Variants in FAM107B observed in about 807,000 individuals in gnomAD.
FAM107B encodes the protein protein FAM107B.
A neutral mutation model predicts 31.5 loss-of-function variants in FAM107B; 21 were observed. That is an observed-to-expected ratio of 0.67 (90% CI 0.47 to 0.96). FAM107B has a LOEUF of 0.96. Ranked by LOEUF, FAM107B falls within the 40% of genes least tolerant of loss-of-function variation. The pLI is 0.00. For missense variants in FAM107B, 452 were observed against 377.1 expected, an observed-to-expected ratio of 1.20 and a Z score of -1.64; for synonymous variants, 157 against 141.5, an observed-to-expected ratio of 1.11 and a Z score of -0.78.
intron 2 of FAM107B, among the ~76,000 whole-genome samples, chr10:14,580,841 G>A (rs1447923353): frequency 6.6e-6 from 1 of 152,178 alleles, no homozygotes; most frequent in Non-Finnish European, 1.5e-5. Context: ...ATACCAAGAT[G>A]GAACGTAATG....
intron 2 of FAM107B, among the ~76,000 whole-genome samples, chr10:14,626,657 CCA>C (rs1253184895): frequency 6.6e-6 from 1 of 152,070 alleles, no homozygotes; most frequent in Non-Finnish European, 1.5e-5. Flanking sequence ...GCGCCCGCCA[CCA>C]CACCCGGCTA....
intron 2 of FAM107B, among the ~76,000 whole-genome samples, chr10:14,648,938 G>C (rs563982876): frequency 6.6e-6 from 1 of 152,248 alleles, no homozygotes; most frequent in Admixed American, 6.5e-5. Context: ...AAACACAAAC[G>C]AGGATGAGGT....
At chr10:14,762,202 T>C (rs973722145) in intron 1 of FAM107B, among the ~76,000 whole-genome samples, 5 of 152,138 alleles carry the variant, frequency 3.3e-5, no homozygotes, top group South Asian at 2.1e-4. Context: ...GACAGCACCA[T>C]TGGGCATCCC....
intron 1 of FAM107B, among the ~76,000 whole-genome samples, chr10:14,770,074 T>A (rs1833266588): frequency 6.6e-6 from 1 of 152,174 alleles, no homozygotes; most frequent in Non-Finnish European, 1.5e-5. Flanking sequence ...TGCTGAGCCA[T>A]AAGCCCTCTC....
intron 1 of FAM107B, among the ~76,000 whole-genome samples, chr10:14,739,393 G>C (rs973861451): frequency 6.6e-6 from 1 of 152,184 alleles, no homozygotes; most frequent in African/African-American, 2.4e-5. Flanking sequence ...AGTAGGGCAG[G>C]CGCTGGGGAC....
chr10:14,753,394 T>C (rs1832868183), intron 1 of FAM107B, among the ~76,000 whole-genome samples: 1 of 152,156 alleles, frequency 6.6e-6, no homozygotes, highest in Non-Finnish European at 1.5e-5. Context: ...CCGTGAAGAT[T>C]AGATTAAAAA....
chr10:14,717,189 G>C (rs370552589), intron 1 of FAM107B, among the ~76,000 whole-genome samples: 3 of 152,176 alleles, frequency 2.0e-5, no homozygotes, highest in South Asian at 4.1e-4. Flanking sequence ...TTTGGGTAAG[G>C]TAGTGAGCAC....
chr10:14,613,469 T>C (rs77839883), intron 2 of FAM107B, among the ~76,000 whole-genome samples: 5,892 of 152,314 alleles, frequency 0.039, 173 homozygotes, highest in East Asian at 0.12. Flanking sequence ...ACTCAGAACT[T>C]CCTTACTTAC....
chr10:14,572,736 A>ATTTTATATATATATATATATAT (rs1455058375), intron 2 of FAM107B, among the ~76,000 whole-genome samples: 3,458 of 85,752 alleles, frequency 0.04, 246 homozygotes, highest in East Asian at 0.064. Context: ...AAAAAAAAAA[A>ATTTTATATATATATATATATAT]ATTTATATAT....
chr10:14,569,373 G>A (rs892937700), intron 2 of FAM107B, among the ~76,000 whole-genome samples: 1 of 152,144 alleles, frequency 6.6e-6, no homozygotes, highest in Non-Finnish European at 1.5e-5. Context: ...GTTGTGTTGT[G>A]GTGAGCTGCA....
At chr10:14,737,907 A>G (rs1315611632) in intron 1 of FAM107B, among the ~76,000 whole-genome samples, 1 of 151,968 alleles carries the variant, frequency 6.6e-6, no homozygotes, top group Admixed American at 6.6e-5. Flanking sequence ...ACGATGTTAT[A>G]CAATGTGCTG....
intron 2 of FAM107B, among the ~76,000 whole-genome samples, chr10:14,593,959 T>C (rs985770435): frequency 2.0e-5 from 3 of 152,172 alleles, no homozygotes; most frequent in African/African-American, 7.2e-5. Flanking sequence ...TGTTGAAAAA[T>C]GCATGATGCC....
intron 2 of FAM107B, among the ~76,000 whole-genome samples, chr10:14,629,407 T>A (rs368814545): frequency 0.53 from 11,408 of 21,458 alleles, 1,807 homozygotes; most frequent in East Asian, 0.67. Context: ...TATTATATAT[T>A]TAATATATAT....
chr10:14,646,424 C>A (rs1330034988), intron 2 of FAM107B, among the ~76,000 whole-genome samples: 1 of 152,156 alleles, frequency 6.6e-6, no homozygotes, highest in Non-Finnish European at 1.5e-5. Flanking sequence ...TGAGAACATG[C>A]AGTATTTGGT....
intron 2 of FAM107B, among the ~76,000 whole-genome samples, chr10:14,606,339 G>T (rs902564656): frequency 2.0e-5 from 3 of 152,022 alleles, no homozygotes; most frequent in African/African-American, 7.3e-5. Flanking sequence ...ACACTAAATG[G>T]ATCTTTTCTG....
At chr10:14,621,832 G>A (rs1278710938) in intron 2 of FAM107B, among the ~76,000 whole-genome samples, 3 of 152,088 alleles carry the variant, frequency 2.0e-5, no homozygotes, top group African/African-American at 7.2e-5. Context: ...CGCTTGGAGA[G>A]CAAAAAGAAA....
intron 1 of FAM107B, among the ~76,000 whole-genome samples, chr10:14,731,438 T>A (rs1856171301): frequency 6.6e-6 from 1 of 152,152 alleles, no homozygotes. Flanking sequence ...GGTGGGTGCC[T>A]GCGGTCCCAG....
At chr10:14,629,480 A>G (rs1459920592) in intron 2 of FAM107B, among the ~76,000 whole-genome samples, 2 of 108,990 alleles carry the variant, frequency 1.8e-5, no homozygotes, top group East Asian at 2.1e-4. Flanking sequence ...TAATATATAT[A>G]TAACATATAT....
intron 2 of FAM107B, among the ~76,000 whole-genome samples, chr10:14,530,895 C>T (rs1846908513): frequency 6.6e-6 from 1 of 152,188 alleles, no homozygotes; most frequent in Non-Finnish European, 1.5e-5. Flanking sequence ...GGAACACTGG[C>T]CCACAATGGC....
Sources: allele counts gnomAD v4.1 joint callset (sites outside exome capture counted in the v4.1 genomes callset), GRCh38; gene constraint gnomAD v4.1.1; transcripts MANE v1.5; gene names NCBI Gene and HGNC (gene_info 2026-07-23, HGNC 2026-07-21).